The following GPR89B variants were observed in gnomAD, a reference collection of about 807,000 sequenced individuals.
GPR89B encodes the protein G protein-coupled receptor 89B.
In GPR89B, 25 loss-of-function variants were observed where a neutral mutation model predicts 52.4. The observed-to-expected ratio is 0.48, with a 90% CI of 0.35 to 0.67. GPR89B has a LOEUF of 0.67. GPR89B is among the 30% of genes least tolerant of loss of function. The probability of loss-of-function intolerance (pLI) is 0.01; values close to 1 mark genes in which losing one functional copy is unlikely to be tolerated. For missense variants in GPR89B, 146 were observed against 450.2 expected (o/e 0.32, Z 6.11); for synonymous variants, 52 against 151.2 (o/e 0.34, Z 4.81).
At chr1:147,966,813 C>T (rs1657072857) in intron 8 of GPR89B, 150 bp downstream of exon 8, 1 of 25,334 alleles carries the variant, frequency 3.9e-5, no homozygotes, top group Admixed American at 2.6e-4. Context: ...ACCATGTGTA[C>T]AGTCATCTTT....
chr1:148,020,940 G>A, the GPR89B span, among the ~76,000 whole-genome samples: 2 of 151,514 alleles, frequency 1.3e-5, no homozygotes. Context: ...CACCAGCTTC[G>A]GCCTCCCAAA....
chr1:147,950,902 C>T (rs1553250933), intron 5 of GPR89B, among the ~76,000 whole-genome samples: 1 of 152,142 alleles, frequency 6.6e-6, no homozygotes, highest in Non-Finnish European at 1.5e-5. Flanking sequence ...AGCTTCGGCT[C>T]AGCATCAGTG....
downstream of GPR89B, among the ~76,000 whole-genome samples, chr1:147,996,118 T>C (rs1659311402): frequency 6.6e-6 from 1 of 152,178 alleles, no homozygotes; most frequent in Non-Finnish European, 1.5e-5. Context: ...GCGTCATATG[T>C]CTTCTGGGAT....
chr1:148,022,377 GT>G, the GPR89B span, among the ~76,000 whole-genome samples: 1 of 151,454 alleles, frequency 6.6e-6, no homozygotes, highest in Admixed American at 6.6e-5. Flanking sequence ...TTCCTTAAGT[GT>G]TTGGTTGTGA....
chr1:148,011,659 C>T, the GPR89B span: 1 of 152,212 alleles, frequency 6.6e-6, no homozygotes, highest in African/African-American at 2.4e-5. Context: ...GACAGAGTCT[C>T]ACGCACAGGT....
intron 7 of GPR89B, among the ~76,000 whole-genome samples, chr1:147,957,910 A>T (rs2149064283): frequency 6.6e-6 from 1 of 151,824 alleles, no homozygotes; most frequent in East Asian, 1.9e-4. Context: ...TAAAGATACA[A>T]AAAAGTAGCC....
intron 5 of GPR89B, among the ~76,000 whole-genome samples, chr1:147,947,821 G>C (rs1381300092): frequency 1.3e-5 from 2 of 151,358 alleles, no homozygotes; most frequent in African/African-American, 4.8e-5. Context: ...AAGCAGTAAG[G>C]AAAACAAAGA....
rs2149085788 is a variant in GPR89B, at chr1:147,978,657, A to C, written c.910-7542A>C. Reference sequence around the variant, plus strand: ...CTTCCCAGGGAGATCAGTTCTGCTCATAAACCCCTACCTGGAGTTGCTGAC... The same window carrying C: ...CTTCCCAGGGAGATCAGTTCTGCTCCTAAACCCCTACCTGGAGTTGCTGAC... On this transcript the variant is annotated intron_variant, in intron 10 of 13. Coordinates refer to ENST00000314163, the MANE Select transcript of GPR89B (RefSeq NM_016334.5). Among the ~76,000 whole-genome samples the C allele has an allele frequency of 2.0e-5, 3 of 151,584 alleles. 1 individual carries two copies. The East Asian group carries it at 5.9e-4, about 30-fold the overall frequency.
chr1:148,009,669 A>G, the GPR89B span: 1 of 674,448 alleles, frequency 1.5e-6, no homozygotes, highest in South Asian at 1.9e-5. Context: ...CATCTGGCTC[A>G]ATATCTGGCC....
At chr1:148,018,752 C>A in the GPR89B span, among the ~76,000 whole-genome samples, 1 of 151,628 alleles carries the variant, frequency 6.6e-6, no homozygotes, top group Non-Finnish European at 1.5e-5. Context: ...CCACAACCTC[C>A]GCCTCCCAGG....
chr1:148,000,644 A>T, the GPR89B span, among the ~76,000 whole-genome samples: 1,474 of 146,060 alleles, frequency 0.01, no homozygotes, highest in African/African-American at 0.037. Flanking sequence ...TTTAGATTCT[A>T]CTATCATTGT....
intron 1 of GPR89B, among the ~76,000 whole-genome samples, chr1:147,936,036 G>A (rs1553247817): frequency 6.6e-6 from 1 of 150,780 alleles, no homozygotes; most frequent in African/African-American, 2.4e-5. Flanking sequence ...TTTTTTTTTC[G>A]AGACCTAGTC....
intron 3 of GPR89B, among the ~76,000 whole-genome samples, chr1:147,941,691 CT>C (rs1654571791): frequency 6.7e-6 from 1 of 148,362 alleles, no homozygotes; most frequent in Non-Finnish European, 1.5e-5. Context: ...ATTATGCTTC[CT>C]TTGAGGAATT....
At chr1:147,943,583 A>T (rs1553249287) in intron 4 of GPR89B, 39 bp downstream of exon 4, 1 of 1,610,626 alleles carries the variant, frequency 6.2e-7, no homozygotes, top group Non-Finnish European at 8.5e-7. Flanking sequence ...ATAGATTGAG[A>T]TGAGTATTTG....
chr1:148,013,889 G>A, the GPR89B span, among the ~76,000 whole-genome samples: 1 of 152,126 alleles, frequency 6.6e-6, no homozygotes, highest in African/African-American at 2.4e-5. Flanking sequence ...TGAGATATGT[G>A]AAGCAGCTCT....
chr1:147,972,411 C>A (rs2149080432), intron 10 of GPR89B, among the ~76,000 whole-genome samples: 1 of 150,088 alleles, frequency 6.7e-6, no homozygotes, highest in South Asian at 2.1e-4. Flanking sequence ...AACTCTTTTC[C>A]AAAAAAATTG....
the GPR89B span, among the ~76,000 whole-genome samples, chr1:148,004,327 T>C: frequency 1.3e-5 from 2 of 151,564 alleles, no homozygotes; most frequent in Non-Finnish European, 2.9e-5. Flanking sequence ...TGGCTAATTT[T>C]TTTTTTTTTT....
At chr1:147,994,424 G>A (rs1659265104), downstream of GPR89B, 3 of 883,684 alleles carry the variant, frequency 3.4e-6, no homozygotes, top group African/African-American at 1.7e-5. Flanking sequence ...TTCTAGAGTT[G>A]CATGACTTAA....
At chr1:147,935,324 G>A (rs1303919614) in intron 1 of GPR89B, among the ~76,000 whole-genome samples, 1 of 152,062 alleles carries the variant, frequency 6.6e-6, no homozygotes, top group African/African-American at 2.4e-5. Flanking sequence ...GGCATGATAA[G>A]AAGCTAAAGT....
Sources: allele counts gnomAD v4.1 joint callset (sites outside exome capture counted in the v4.1 genomes callset), GRCh38; gene constraint gnomAD v4.1.1; transcripts MANE v1.5; gene names NCBI Gene and HGNC (gene_info 2026-07-23, HGNC 2026-07-21).